Variants in PRSS23 observed in about 807,000 individuals in gnomAD.
PRSS23 encodes the protein protease, serine 23.
In PRSS23, 25 loss-of-function variants were observed where a neutral mutation model predicts 34.7. The observed-to-expected ratio is 0.72, with a 90% CI of 0.53 to 1.01. The LOEUF (loss-of-function observed/expected upper bound fraction) is 1.01. PRSS23 is among the 50% of genes least tolerant of loss of function. The probability of loss-of-function intolerance (pLI) is 0.00; values close to 1 mark genes in which losing one functional copy is unlikely to be tolerated. For synonymous variants in PRSS23, 176 were observed against 186.6 expected (o/e 0.94, Z 0.46); for missense variants, 445 against 475.6 (o/e 0.94, Z 0.60).
chr11:86,797,994 C>T (rs1947992363), upstream of PRSS23, among the ~76,000 whole-genome samples: 1 of 152,318 alleles, frequency 6.6e-6, no homozygotes, highest in Middle Eastern at 3.4e-3. Flanking sequence ...ATATGCATCT[C>T]TTTAATTTTG....
intron 2 of PRSS23, among the ~76,000 whole-genome samples, chr11:86,870,587 CG>C (rs1948678494): frequency 6.6e-6 from 1 of 152,132 alleles, no homozygotes; most frequent in African/African-American, 2.4e-5. Context: ...TTTTCAAAAG[CG>C]TTTTTCAATC....
intron 2 of PRSS23, chr11:86,939,118 C>A: frequency 2.5e-6 from 1 of 402,476 alleles, no homozygotes. Context: ...AGAACATCGC[C>A]AGAAACACGT....
intron 1 of PRSS23, among the ~76,000 whole-genome samples, chr11:86,822,698 A>G (rs1450293909): frequency 1.3e-5 from 2 of 151,790 alleles, no homozygotes; most frequent in Non-Finnish European, 2.9e-5. Flanking sequence ...TAATGAAAGG[A>G]AAACCCTGTT....
chr11:86,814,523 TC>T (rs1948201992), downstream of PRSS23, among the ~76,000 whole-genome samples: 3 of 152,124 alleles, frequency 2.0e-5, no homozygotes, highest in African/African-American at 7.2e-5. Flanking sequence ...AGATTGTGCT[TC>T]AGGTTATGTT....
chr11:86,873,134 G>C (rs1270016462), intron 2 of PRSS23, among the ~76,000 whole-genome samples: 1 of 150,906 alleles, frequency 6.6e-6, no homozygotes, highest in Non-Finnish European at 1.5e-5. Flanking sequence ...TTTGAGAATA[G>C]TTCTTCTTTC....
chr11:86,801,173 C>A (rs538982009), intron 1 of PRSS23, among the ~76,000 whole-genome samples: 97 of 152,308 alleles, frequency 6.4e-4, no homozygotes, highest in Non-Finnish European at 1.2e-3. Context: ...GAAATAGAAT[C>A]TTTTCTCCGG....
chr11:86,882,462 G>A (rs1768451105), intron 2 of PRSS23, among the ~76,000 whole-genome samples: 1 of 152,062 alleles, frequency 6.6e-6, no homozygotes. Context: ...TGTGGTATTT[G>A]GTTTTCTGTG....
At chr11:86,820,608 G>T (rs1410841099) in intron 1 of PRSS23, among the ~76,000 whole-genome samples, 1 of 152,110 alleles carries the variant, frequency 6.6e-6, no homozygotes. Flanking sequence ...TTTGTATTTA[G>T]ATATACACAT....
intron 2 of PRSS23, among the ~76,000 whole-genome samples, chr11:86,840,668 C>T (rs927708372): frequency 1.6e-4 from 25 of 152,200 alleles, no homozygotes; most frequent in Non-Finnish European, 5.9e-5. Context: ...TTCTTGTCAG[C>T]ACCACATCAC....
chr11:86,876,528 A>T (rs1948725174), intron 2 of PRSS23, among the ~76,000 whole-genome samples: 1 of 152,194 alleles, frequency 6.6e-6, no homozygotes, highest in Admixed American at 6.5e-5. Flanking sequence ...CTAAAATATT[A>T]AAGTGTAGTC....
chr11:86,821,383 T>C, intron 1 of PRSS23: 2 of 1,211,486 alleles, frequency 1.7e-6, no homozygotes, highest in Non-Finnish European at 2.4e-6. Context: ...ATTACTTCTT[T>C]ATGCTAACCC....
At position 86,899,956 on chromosome 11, in the gene PRSS23, T is replaced by A. The variant is rs190734605; in HGVS notation, c.207-51260T>A. On this transcript the variant is annotated intron_variant, in intron 2 of 2. Coordinates refer to the PRSS23 transcript ENST00000533902. ...TTTAAAAGATGTTTTTAGTTGTCTTTAAAAAAAAAAATCCAAAGGCAAATC... is the reference window on the plus strand; with the variant it reads ...TTTAAAAGATGTTTTTAGTTGTCTTAAAAAAAAAAAATCCAAAGGCAAATC... 9.5e-3 allele frequency among the ~76,000 whole-genome samples: 1,410 copies of A among 148,610 alleles called. 22 individuals carry two copies. The highest frequency in any genetic ancestry group is 0.032 in the African/African-American group (1,304 of 40,776).
chr11:86,800,707 G>T, intron 1 of PRSS23, 56 bp downstream of exon 1: 1 of 935,240 alleles, frequency 1.1e-6, no homozygotes, highest in Non-Finnish European at 1.3e-6. Flanking sequence ...GCGAGGCGCC[G>T]GGAGGAGCGG....
chr11:86,908,981 T>C lies in PRSS23; in HGVS notation c.207-42235T>C, dbSNP rs1013304874. 40 of 151,648 alleles carry C rather than the reference T, an allele frequency of 2.6e-4. 2 individuals carry two copies. Among genetic ancestry groups the C allele is most frequent in the Admixed American group, 2.6e-3 (40 of 15,238 alleles). The allele number at this position is 151,648 out of a possible 1,614,324, so 9.4% of individuals were successfully genotyped here. A position where few individuals can be genotyped will look rare whatever the true frequency, so the allele number is the denominator to read the frequency against. On this transcript the variant is annotated intron_variant, in intron 2 of 2. Coordinates refer to the PRSS23 transcript ENST00000533902. ...CCTTATGGCTTATCTTTTTCTTTTT[T>C]TTTTTTTTAATGTATTTGTTGAAGG...
At chr11:86,837,921 T>C (rs1948419066) in intron 2 of PRSS23, among the ~76,000 whole-genome samples, 1 of 152,046 alleles carries the variant, frequency 6.6e-6, no homozygotes, top group African/African-American at 2.4e-5. Context: ...GTTCTTCTCA[T>C]TGGGACTGCT....
intron 2 of PRSS23, among the ~76,000 whole-genome samples, chr11:86,862,220 C>A (rs1229642815): frequency 1.3e-5 from 2 of 151,918 alleles, no homozygotes; most frequent in African/African-American, 2.4e-5. Context: ...GATATTACTC[C>A]TAATTTCACA....
At chr11:86,798,470 G>C (rs1947996517), upstream of PRSS23, among the ~76,000 whole-genome samples, 1 of 152,234 alleles carries the variant, frequency 6.6e-6, no homozygotes, top group Non-Finnish European at 1.5e-5. Flanking sequence ...AAAGAGGTGA[G>C]AGAATTGAGT....
intron 2 of PRSS23, among the ~76,000 whole-genome samples, chr11:86,873,266 A>AG: frequency 8.0e-6 from 1 of 125,774 alleles, no homozygotes; most frequent in Admixed American, 8.4e-5. Context: ...GTATATATAT[A>AG]TACACACACA....
At chr11:86,862,738 A>G (rs569880809) in intron 2 of PRSS23, among the ~76,000 whole-genome samples, 28 of 152,020 alleles carry the variant, frequency 1.8e-4, no homozygotes, top group East Asian at 1.5e-3. Flanking sequence ...ACACCCTTTT[A>G]TATTCTTCCT....
Sources: allele counts gnomAD v4.1 joint callset (sites outside exome capture counted in the v4.1 genomes callset), GRCh38; gene constraint gnomAD v4.1.1; transcripts MANE v1.5; gene names NCBI Gene and HGNC (gene_info 2026-07-23, HGNC 2026-07-21).